XIRP2: variants seen among roughly 807,000 people sequenced by gnomAD.
XIRP2 encodes xin actin binding repeat containing 2, also known as xin actin-binding repeat-containing protein 2.
A neutral mutation model predicts 277.0 loss-of-function variants in XIRP2; 236 were observed. That is an observed-to-expected ratio of 0.85 (90% confidence interval 0.77 to 0.95). The LOEUF (loss-of-function observed/expected upper bound fraction) is 0.95. Among genes scored for constraint, XIRP2 ranks in the 40% least tolerant of loss-of-function variants. The pLI is 0.00. For missense variants in XIRP2, 4,640 were observed against 4,157.5 expected (o/e 1.12, Z -3.19); for synonymous variants, 1,490 against 1,416.5 (o/e 1.05, Z -1.17).
At chr2:166,948,042 G>A (rs1054760319) in intron 2 of XIRP2, among the ~76,000 whole-genome samples, 2 of 152,090 alleles carry the variant, frequency 1.3e-5, no homozygotes, top group African/African-American at 2.4e-5. Flanking sequence ...AGAGATCAGC[G>A]GTTTCTGGGA....
intron 7 of XIRP2, 120 bp from the exon 8 acceptor site, chr2:167,241,657 A>G: frequency 8.6e-7 from 1 of 1,156,824 alleles, no homozygotes; most frequent in Non-Finnish European, 1.2e-6. Context: ...TAATCTTCGC[A>G]CCTCAGTCTC....
At chr2:167,103,754 G>T (rs746195892) in intron 2 of XIRP2, among the ~76,000 whole-genome samples, 1 of 152,002 alleles carries the variant, frequency 6.6e-6, no homozygotes, top group East Asian at 1.9e-4. Flanking sequence ...GGAATCAAAC[G>T]CTAGCTGGTA....
intron 2 of XIRP2, among the ~76,000 whole-genome samples, chr2:167,020,004 G>A (rs890182014): frequency 8.6e-5 from 13 of 151,886 alleles, no homozygotes; most frequent in Admixed American, 4.6e-4. Context: ...TGCACTATTC[G>A]CTTTTAGGAG....
At chr2:167,141,078 G>T (rs140107021) in intron 3 of XIRP2, 3 of 151,940 alleles carry the variant, frequency 2.0e-5, no homozygotes, top group African/African-American at 4.8e-5. Context: ...GCTTGCACGC[G>T]GTCATATTTA....
Position 166,903,578 on chromosome 2 carries a change from T to C in XIRP2, c.96T>C (p.His32=). ...QRSECHPRDS[H]CTIFQPQESK... is the part of the protein sequence containing the mutation. ...GTGAGTGTCATCCCAGGGACAGCCATTGTACAATTTTCCAGCCTCAGGAAA... is the reference window on the plus strand; with the variant it reads ...GTGAGTGTCATCCCAGGGACAGCCACTGTACAATTTTCCAGCCTCAGGAAA... Residue 32 remains histidine (H), a synonymous_variant, in exon 2 of 11, where the codon CAT becomes CAC. Coordinates refer to ENST00000409195, the MANE Select transcript of XIRP2 (RefSeq NM_152381.6). 1 of 1,613,580 alleles carries C rather than the reference T, an allele frequency of 6.2e-7. No individual in the cohort carries two copies. The highest frequency in any genetic ancestry group is 8.5e-7 in the Non-Finnish European group (1 of 1,179,728).
intron 3 of XIRP2, among the ~76,000 whole-genome samples, chr2:167,167,057 C>T (rs574054572): frequency 6.6e-6 from 1 of 152,126 alleles, no homozygotes; most frequent in Non-Finnish European, 1.5e-5. Context: ...TTGTGTTGAA[C>T]AACTGCATCC....
intron 2 of XIRP2, among the ~76,000 whole-genome samples, chr2:167,129,494 G>C (rs1691310418): frequency 2.0e-5 from 3 of 152,068 alleles, no homozygotes; most frequent in African/African-American, 7.2e-5. Context: ...ACATTGGGTT[G>C]TATTAAAGAC....
chr2:167,086,256 T>A (rs1396876358), intron 2 of XIRP2, among the ~76,000 whole-genome samples: 1 of 152,216 alleles, frequency 6.6e-6, no homozygotes, highest in Non-Finnish European at 1.5e-5. Context: ...TCTTTAAGAA[T>A]GTTGGATATT....
chr2:167,035,892 C>T (rs991037704), intron 2 of XIRP2, among the ~76,000 whole-genome samples: 2 of 152,182 alleles, frequency 1.3e-5, no homozygotes, highest in African/African-American at 2.4e-5. Context: ...TGCCCTCTGT[C>T]CCAGCTGCTC....
intron 2 of XIRP2, among the ~76,000 whole-genome samples, chr2:167,085,342 T>A (rs866303953): frequency 0.014 from 2,145 of 151,826 alleles, 55 homozygotes; most frequent in African/African-American, 0.05. Flanking sequence ...TTACATTTGC[T>A]GAGGAGAGCT....
intron 3 of XIRP2, among the ~76,000 whole-genome samples, chr2:167,168,064 T>C (rs1692577666): frequency 6.6e-6 from 1 of 152,190 alleles, no homozygotes; most frequent in Non-Finnish European, 1.5e-5. Context: ...TCTTCTTGCT[T>C]GCAGGGTTTC....
chr2:167,100,158 TA>T (rs138195612), intron 2 of XIRP2, among the ~76,000 whole-genome samples: 33 of 147,602 alleles, frequency 2.2e-4, no homozygotes, highest in African/African-American at 4.0e-4. Flanking sequence ...TACCATAGTC[TA>T]AAAAAAAAAT....
chr2:167,038,940 G>C (rs1688585645), intron 2 of XIRP2, among the ~76,000 whole-genome samples: 1 of 152,024 alleles, frequency 6.6e-6, no homozygotes, highest in African/African-American at 2.4e-5. Context: ...TAATTTGTGT[G>C]ATCAAATTTC....
At chr2:167,097,368 C>T (rs898704387) in intron 2 of XIRP2, among the ~76,000 whole-genome samples, 1 of 132,890 alleles carries the variant, frequency 7.5e-6, no homozygotes, top group African/African-American at 3.7e-5. Context: ...GATTGCAACC[C>T]CTGCTTTTTT....
chr2:166,928,933 C>T (rs769681260), intron 2 of XIRP2, among the ~76,000 whole-genome samples: 1 of 152,078 alleles, frequency 6.6e-6, no homozygotes, highest in Non-Finnish European at 1.5e-5. Context: ...TATCTTACTA[C>T]AGTTCCTTAG....
At chr2:167,237,835 T>TA (rs1694948315) in intron 5 of XIRP2, among the ~76,000 whole-genome samples, 3 of 152,178 alleles carry the variant, frequency 2.0e-5, no homozygotes, top group Admixed American at 1.3e-4. Context: ...CATAGAATAT[T>TA]CCCACTATAT....
intron 2 of XIRP2, among the ~76,000 whole-genome samples, chr2:167,085,380 G>C (rs1442904821): frequency 1.3e-5 from 2 of 150,196 alleles, no homozygotes; most frequent in African/African-American, 4.9e-5. Flanking sequence ...GTCAATTTTG[G>C]AATAGGTGTG....
chr2:166,963,110 G>A (rs757812637), intron 2 of XIRP2, among the ~76,000 whole-genome samples: 1 of 151,374 alleles, frequency 6.6e-6, no homozygotes, highest in Non-Finnish European at 1.5e-5. Flanking sequence ...ATATTGCAAT[G>A]CATCTCATGA....
At position 167,259,050 on chromosome 2, in the gene XIRP2, T is replaced by C; in HGVS notation, c.*1233T>C. On this transcript the variant is annotated 3_prime_UTR_variant, in exon 11 of 11. Coordinates refer to ENST00000409195, the MANE Select transcript of XIRP2 (RefSeq NM_152381.6). Reference sequence around the variant, plus strand: ...CATTCAAAGAGCAAAAATTTACACTTTTTCTTTTCTAACACCGTGAAAATC... The same window carrying C: ...CATTCAAAGAGCAAAAATTTACACTCTTTCTTTTCTAACACCGTGAAAATC... 1 of 1,610,470 alleles carries C rather than the reference T, an allele frequency of 6.2e-7. No homozygotes were observed. Among genetic ancestry groups the C allele is most frequent in the Non-Finnish European group, 8.5e-7 (1 of 1,177,646 alleles).
Sources: gnomAD v4.1 joint callset for allele counts (sites outside exome capture counted in the v4.1 genomes callset) on GRCh38, gnomAD v4.1.1 for gene constraint, MANE v1.5 for transcripts, NCBI Gene and HGNC (gene_info 2026-07-23, HGNC 2026-07-21) for gene names.